Variants in EPHA6 observed in about 807,000 individuals in gnomAD.
EPHA6 encodes EPH receptor A6, also known as ephrin type-A receptor 6.
A neutral mutation model predicts 112.0 loss-of-function variants in EPHA6; 50 were observed. The observed-to-expected ratio is 0.45, with a 90% CI of 0.36 to 0.56. The LOEUF (loss-of-function observed/expected upper bound fraction) is 0.56. Among genes scored for constraint, EPHA6 ranks in the 20% least tolerant of loss-of-function variants. EPHA6 has a pLI of 0.00. For synonymous variants in EPHA6, 529 were observed against 490.7 expected (o/e 1.08, Z -1.03); for missense variants, 1,280 against 1,417.4 (o/e 0.90, Z 1.56).
chr3:97,610,075 G>A (rs886966794), intron 12 of EPHA6, among the ~76,000 whole-genome samples: 4 of 151,388 alleles, frequency 2.6e-5, no homozygotes, highest in Non-Finnish European at 5.9e-5. Context: ...TGATAAAAAA[G>A]GAAAGAAAAT....
chr3:96,877,080 G>A (rs552139174), intron 2 of EPHA6, among the ~76,000 whole-genome samples: 1 of 152,178 alleles, frequency 6.6e-6, no homozygotes, highest in South Asian at 2.1e-4. Flanking sequence ...CTAAGTAGAT[G>A]TACATGTAAC....
At chr3:97,480,060 G>T (rs1185074882) in intron 9 of EPHA6, among the ~76,000 whole-genome samples, 1 of 152,098 alleles carries the variant, frequency 6.6e-6, no homozygotes, top group East Asian at 1.9e-4. Context: ...AATATGCAAG[G>T]CAACTTAACT....
At chr3:96,972,713 T>C (rs1346159807) in intron 2 of EPHA6, among the ~76,000 whole-genome samples, 1 of 152,200 alleles carries the variant, frequency 6.6e-6, no homozygotes, top group Non-Finnish European at 1.5e-5. Flanking sequence ...AGGTAAATGC[T>C]CTTTTCTTTT....
intron 3 of EPHA6, among the ~76,000 whole-genome samples, chr3:97,179,240 C>T (rs559834970): frequency 6.6e-6 from 1 of 152,114 alleles, no homozygotes; most frequent in East Asian, 1.9e-4. Flanking sequence ...ATTTCAACCT[C>T]TTTATTAAAT....
At chr3:97,542,030 A>G (rs551928667) in intron 11 of EPHA6, among the ~76,000 whole-genome samples, 2 of 151,752 alleles carry the variant, frequency 1.3e-5, no homozygotes, top group South Asian at 2.1e-4. Flanking sequence ...GGCAGGAAGC[A>G]TCCAGCACAG....
chr3:97,731,164 C>T (rs1330166169), intron 15 of EPHA6, among the ~76,000 whole-genome samples: 11 of 151,992 alleles, frequency 7.2e-5, no homozygotes, highest in East Asian at 1.9e-4. Context: ...TTTATGAAGG[C>T]AGTAGAATCA....
At chr3:97,381,351 C>T (rs2085717476) in intron 5 of EPHA6, among the ~76,000 whole-genome samples, 1 of 152,030 alleles carries the variant, frequency 6.6e-6, no homozygotes, top group Non-Finnish European at 1.5e-5. Context: ...ACTGAAGTCA[C>T]TAAATTGCCT....
At position 97,254,740 on chromosome 3, in the gene EPHA6, G is replaced by T. The variant is rs144437316; in HGVS notation, c.1606+10453G>T. Among the ~76,000 whole-genome samples the T allele has an allele frequency of 3.2e-3, 493 of 152,242 alleles. 1 individual carries two copies. The highest frequency in any genetic ancestry group is 0.011 in the African/African-American group (455 of 41,570). On this transcript the variant is annotated intron_variant, in intron 5 of 17. Transcript: ENST00000389672. ...TTTATCCTATTTCAAAGATTTCTAA[G>T]AAATATTTTTAATCCCCTTGTATCT...
chr3:97,731,537 T>A (rs2035036345), intron 15 of EPHA6, among the ~76,000 whole-genome samples: 1 of 152,046 alleles, frequency 6.6e-6, no homozygotes, highest in African/African-American at 2.4e-5. Context: ...TCTCTACCAT[T>A]ACTGTGATCG....
Position 97,278,024 on chromosome 3 carries a change from G to A in EPHA6, c.1606+33737G>A, listed in dbSNP as rs151212047. On this transcript the variant is annotated intron_variant, in intron 5 of 17. Coordinates refer to ENST00000389672, the MANE Select transcript of EPHA6 (RefSeq NM_001080448.3). ...TGTCATATGCTGTCTATCGTTGACC[G>A]AAACATTATGCAGCACATGACTGTA... Among the ~76,000 whole-genome samples the A allele has an allele frequency of 7.0e-3, 1,066 of 152,290 alleles. 19 individuals are homozygous for A. The highest frequency in any genetic ancestry group is 0.024 in the African/African-American group (1,015 of 41,558).
intron 9 of EPHA6, chr3:97,481,311 G>T: frequency 6.5e-7 from 1 of 1,549,692 alleles, no homozygotes; most frequent in Non-Finnish European, 8.9e-7. Context: ...CTTGGAGGGA[G>T]ATTCCAGTTG....
intron 1 of EPHA6, among the ~76,000 whole-genome samples, chr3:96,856,194 C>G (rs190706030): frequency 1.3e-5 from 2 of 151,686 alleles, no homozygotes; most frequent in African/African-American, 2.4e-5. Context: ...GAGCGGAGAT[C>G]GCGCCACTGC....
At chr3:97,514,148 A>T (rs2092409663) in intron 10 of EPHA6, among the ~76,000 whole-genome samples, 2 of 152,178 alleles carry the variant, frequency 1.3e-5, no homozygotes, top group Admixed American at 1.3e-4. Context: ...TTCACTGGCT[A>T]AAATCAGGGT....
intron 10 of EPHA6, among the ~76,000 whole-genome samples, chr3:97,531,827 A>G (rs1165531648): frequency 6.6e-6 from 1 of 152,064 alleles, no homozygotes; most frequent in Non-Finnish European, 1.5e-5. Flanking sequence ...CTTGTAATGT[A>G]GCCTGTATAA....
At chr3:97,541,344 G>A (rs1480742043) in intron 11 of EPHA6, among the ~76,000 whole-genome samples, 2 of 152,020 alleles carry the variant, frequency 1.3e-5, no homozygotes, top group Admixed American at 1.3e-4. Context: ...ACTTTCCCCT[G>A]TAATTTTAGT....
chr3:97,327,767 G>A (rs2082508783), intron 5 of EPHA6, among the ~76,000 whole-genome samples: 1 of 150,992 alleles, frequency 6.6e-6, no homozygotes, highest in Non-Finnish European at 1.5e-5. Flanking sequence ...AGAGTAATTT[G>A]AGGTTCATCG....
intron 8 of EPHA6, among the ~76,000 whole-genome samples, chr3:97,479,011 A>G (rs138566852): frequency 2.6e-5 from 4 of 152,172 alleles, no homozygotes; most frequent in African/African-American, 7.2e-5. Flanking sequence ...CTTTTTACCA[A>G]CTCTAGCTAT....
intron 3 of EPHA6, among the ~76,000 whole-genome samples, chr3:97,218,270 TAA>T (rs113002813): frequency 1.4e-5 from 2 of 145,544 alleles, no homozygotes; most frequent in East Asian, 4.0e-4. Context: ...GACCCTATCT[TAA>T]AAAAAAAAAA....
chr3:97,446,073 A>G (rs540632413), intron 6 of EPHA6, among the ~76,000 whole-genome samples: 2 of 152,340 alleles, frequency 1.3e-5, no homozygotes, highest in South Asian at 4.1e-4. Context: ...ATGCGTCAGC[A>G]GAAAGGCAAC....
Sources: allele counts gnomAD v4.1 joint callset (sites outside exome capture counted in the v4.1 genomes callset), GRCh38; gene constraint gnomAD v4.1.1; transcripts MANE v1.5; gene names NCBI Gene and HGNC (gene_info 2026-07-23, HGNC 2026-07-21).